The following TKTL1 variants were observed in gnomAD, a reference collection of about 807,000 sequenced individuals.
TKTL1 encodes transketolase-like protein 1.
TKTL1 carries 1 observed loss-of-function variant against 39.3 expected under a neutral mutation model. The observed-to-expected ratio is 0.03, with a 90% CI of 0.01 to 0.12. TKTL1 has a LOEUF of 0.12. TKTL1 is among the 10% of genes least tolerant of loss of function. The pLI is 1.00. For missense variants in TKTL1, 575 were observed against 509.6 expected (o/e 1.13, Z -1.24); for synonymous variants, 262 against 193.8 (o/e 1.35, Z -2.92).
intron 1 of TKTL1, chrX:154,305,034 T>G (rs1233134791): frequency 9.2e-7 from 1 of 1,090,628 alleles, no homozygotes; most frequent in East Asian, 4.2e-5. Context: ...TGTGAAAGAA[T>G]ACTCATGTCA....
At chrX:154,324,111 T>C (rs1286990157) in intron 9 of TKTL1, among the ~76,000 whole-genome samples, 2 of 111,451 alleles carry the variant, frequency 1.8e-5, no homozygotes, top group Non-Finnish European at 3.8e-5. Flanking sequence ...TACATATTAT[T>C]AGGTACTTTT....
chrX:154,307,843 G>C (rs2067326981), intron 2 of TKTL1, among the ~76,000 whole-genome samples: 1 of 112,172 alleles, frequency 8.9e-6, no homozygotes, highest in Non-Finnish European at 1.9e-5. Context: ...TAGAGGCATA[G>C]TCAAAAGAGA....
chrX:154,328,658 G>GAAT (rs1346946676), intron 12 of TKTL1, among the ~76,000 whole-genome samples: 2 of 107,397 alleles, frequency 1.9e-5, no homozygotes, highest in African/African-American at 3.3e-5. Context: ...GTGTCAGGGA[G>GAAT]AATGGGCTGG....
chrX:154,305,112 A>C (rs1569550831), intron 1 of TKTL1, 192 bp from the exon 2 acceptor site: 4 of 1,152,591 alleles, frequency 3.5e-6, no homozygotes, highest in Middle Eastern at 2.4e-4. Flanking sequence ...CACTGTGCAC[A>C]GGGGGAGGGG....
intron 2 of TKTL1, among the ~76,000 whole-genome samples, chrX:154,306,382 C>T (rs781908323): frequency 9.0e-6 from 1 of 111,498 alleles, no homozygotes; most frequent in South Asian, 3.8e-4. Flanking sequence ...GAAGTGAAGA[C>T]AAAAACTGGG....
chrX:154,304,658 C>G (rs978504871), intron 1 of TKTL1, among the ~76,000 whole-genome samples: 1 of 108,571 alleles, frequency 9.2e-6, no homozygotes, highest in Non-Finnish European at 1.9e-5. Context: ...TGGGGACTTT[C>G]TTAGTGAAAT....
chrX:154,322,228 T>TC (rs2067457066), intron 8 of TKTL1, among the ~76,000 whole-genome samples: 1 of 34,362 alleles, frequency 2.9e-5, no homozygotes, highest in Non-Finnish European at 5.2e-5. Flanking sequence ...AGAGGCTTTG[T>TC]CAAAAAAAAA....
chrX:154,326,933 C>T (rs1212244547), intron 10 of TKTL1, among the ~76,000 whole-genome samples: 1 of 111,972 alleles, frequency 8.9e-6, no homozygotes, highest in African/African-American at 3.3e-5. Flanking sequence ...GCTCAGAAAC[C>T]CTTTCTGTAC....
chrX:154,296,470 C>T (rs1231365614), intron 1 of TKTL1, among the ~76,000 whole-genome samples: 1 of 110,865 alleles, frequency 9.0e-6, no homozygotes, highest in Non-Finnish European at 1.9e-5. Context: ...AAAATTCCAG[C>T]CTGGGCAACA....
rs782139807 is a variant in TKTL1 at position 154,329,981 on chromosome X, A to G, written c.*293A>G. The stretch of plus-strand genomic sequence containing the variant: ...AGTAAGTTTTCTGATAAGACTATAG[A>G]TAAGTGGTAGAGGTAATCAATTCTT... On this transcript the variant is annotated 3_prime_UTR_variant, in exon 13 of 13. Coordinates refer to ENST00000369915, the MANE Select transcript of TKTL1 (RefSeq NM_012253.4). 2.0e-5 allele frequency: 5 copies of G among 251,568 alleles called. No individual in the cohort carries two copies. Among genetic ancestry groups the G allele is most frequent in the Admixed American group, 6.2e-5 (1 of 16,122 alleles). 20.7% of individuals were successfully genotyped at this position (251,568 alleles called of 1,213,427 possible).
At position 154,324,004 on chromosome X, in the gene TKTL1, T is replaced by TA. The variant is rs782126431; in HGVS notation, c.1317+669dup. ...GGACCTCGCCCATGCGCCACACAGG[T>TA]AACCCCTGGCACAGTCGGGATGGGG... On this transcript the variant is annotated intron_variant, in intron 9 of 12. Coordinates refer to ENST00000369915, the MANE Select transcript of TKTL1 (RefSeq NM_012253.4). 1.1e-3 allele frequency among the ~76,000 whole-genome samples: 123 copies of TA among 112,830 alleles called. No individual in the cohort carries two copies. In the Admixed American group the frequency reaches 0.011, roughly 10 times the overall value.
In TKTL1 at chrX:154,329,505, T is replaced by G; in HGVS notation, c.1619-11T>G. On this transcript the variant is annotated splice_polypyrimidine_tract_variant and intron_variant, in intron 12 of 12. Transcript: ENST00000369915. ...CTTTCACAAAAGGGCCTAACATCCT[T>G]GTTTCCCCAGGTGGCATCGGGGAAG... is the stretch of plus-strand genomic sequence containing the variant. 1 of 1,209,872 alleles carries G rather than the reference T, an allele frequency of 8.3e-7. No individual in the cohort carries two copies. Among genetic ancestry groups the G allele is most frequent in the Non-Finnish European group, 1.1e-6 (1 of 893,930 alleles).
At chrX:154,315,070 A>G in intron 6 of TKTL1, 103 bp from the exon 7 acceptor site, 1 of 907,803 alleles carries the variant, frequency 1.1e-6, no homozygotes, top group Non-Finnish European at 1.5e-6. Flanking sequence ...TCTTCAAGAT[A>G]GATGATAATT....
At position 154,295,828 on chromosome X, in the gene TKTL1, G is replaced by T. The variant is rs782776548; in HGVS notation, c.-32G>T. 5 of 1,200,685 alleles carry T rather than the reference G, an allele frequency of 4.2e-6. No homozygotes were observed. The highest frequency in any genetic ancestry group is 1.8e-5 in the South Asian group (1 of 55,706). On this transcript the variant is annotated 5_prime_UTR_variant, in exon 1 of 13. Transcript: ENST00000369915. ...CTCTTCAGACGCCGGAGACGTAGGA[G>T]TGGGTCTTCAGACTCCAAAGGGGTT...
intron 9 of TKTL1, among the ~76,000 whole-genome samples, 189 bp downstream of exon 9, chrX:154,323,526 A>G (rs1268579558): frequency 1.8e-5 from 2 of 112,428 alleles, no homozygotes; most frequent in Non-Finnish European, 3.8e-5. Flanking sequence ...AAAGAGTCCA[A>G]CAGTACAGGA....
Position 154,323,283 on chromosome X carries a change from C to T in TKTL1, c.1263C>T (p.Tyr421=), listed in dbSNP as rs1557171276. 1 of 1,211,670 alleles carries T rather than the reference C, an allele frequency of 8.3e-7. No individual in the cohort carries two copies. Among genetic ancestry groups the T allele is most frequent in the East Asian group, 3.0e-5 (1 of 33,850 alleles). ...FRTIPKCTIF[Y]PTDAVSTEHA... is the part of the protein sequence containing the mutation. ...CCATTCCCAAGTGCACGATCTTCTA[C>T]CCAACTGATGCCGTCTCCACGGAGC... is the stretch of plus-strand genomic sequence containing the variant. Residue 421 remains tyrosine, a synonymous_variant, in exon 9 of 13, where the codon TAC becomes TAT. Transcript: ENST00000369915.
chrX:154,312,278 C>T (rs980128208), intron 5 of TKTL1, among the ~76,000 whole-genome samples: 2 of 112,002 alleles, frequency 1.8e-5, no homozygotes, highest in African/African-American at 3.2e-5. Context: ...ACTTAGGAGG[C>T]GGAGGCGGGA....
intron 10 of TKTL1, chrX:154,327,116 C>T (rs1557172122): frequency 1.4e-5 from 3 of 220,913 alleles, no homozygotes; most frequent in Middle Eastern, 1.6e-3. Context: ...TTGATGTCAG[C>T]CCCGCCTGGC....
chrX:154,312,375 A>T (rs1388581021), intron 5 of TKTL1, among the ~76,000 whole-genome samples: 2 of 111,258 alleles, frequency 1.8e-5, no homozygotes, highest in African/African-American at 6.5e-5. Context: ...ATAGCGTGAG[A>T]CCCCTGTCTC....
Sources: gnomAD v4.1 joint callset for allele counts (sites outside exome capture counted in the v4.1 genomes callset) on GRCh38, gnomAD v4.1.1 for gene constraint, MANE v1.5 for transcripts, NCBI Gene and HGNC (gene_info 2026-07-23, HGNC 2026-07-21) for gene names.